Variants in DDX31 observed in about 807,000 individuals in gnomAD.
The protein encoded by DDX31 is DEAD-box helicase 31.
In DDX31, 70 loss-of-function variants were observed where a neutral mutation model predicts 91.3. The observed-to-expected ratio is 0.77, with a 90% confidence interval of 0.63 to 0.94. DDX31 has a LOEUF of 0.94. Ranked by LOEUF, DDX31 falls within the 40% of genes least tolerant of loss-of-function variation. The probability of loss-of-function intolerance (pLI) is 0.00; values close to 1 mark genes in which losing one functional copy is unlikely to be tolerated. For synonymous variants in DDX31, 362 were observed against 350.6 expected (o/e 1.03, Z -0.36); for missense variants, 902 against 925.0 (o/e 0.98, Z 0.32).
chr9:132,635,744 G>C (rs749694515), intron 14 of DDX31, among the ~76,000 whole-genome samples: 1 of 151,714 alleles, frequency 6.6e-6, no homozygotes, highest in Non-Finnish European at 1.5e-5. Context: ...TCAGGAGTTC[G>C]AGACCAGCTT....
At chr9:132,646,383 C>T (rs1464895735) in intron 12 of DDX31, among the ~76,000 whole-genome samples, 1 of 152,184 alleles carries the variant, frequency 6.6e-6, no homozygotes, top group African/African-American at 2.4e-5. Context: ...TGCAACACTA[C>T]CTGGCTGAGA....
rs11243871 is a variant in DDX31 at position 132,663,306 on chromosome 9, C to T, written c.76-611G>A. On this transcript the variant is annotated intron_variant, in intron 1 of 19. Coordinates refer to ENST00000372159, the MANE Select transcript of DDX31 (RefSeq NM_022779.9). ...TCAGACGGCCTGGAGAAAATTCCTA[C>T]GCCCTGTTCCCATTCCAAATGAGAA... 6.9e-4 allele frequency: 894 copies of T among 1,289,076 alleles called. 19 individuals are homozygous for T. The East Asian group carries it at 0.04, about 57-fold the overall frequency. 79.9% of individuals were successfully genotyped at this position (1,289,076 alleles called of 1,614,324 possible).
rs1002239440 is a variant in DDX31 at position 132,663,169 on chromosome 9, C to T, written c.76-474G>A. ...CTGGAGACCGCACAGGAGAGAGGGGCGAGGGGGAATGCGCATCTCAGCCCG... is the reference window on the plus strand; with the variant it reads ...CTGGAGACCGCACAGGAGAGAGGGGTGAGGGGGAATGCGCATCTCAGCCCG... On this transcript the variant is annotated intron_variant, in intron 1 of 19. Coordinates refer to ENST00000372159, the MANE Select transcript of DDX31 (RefSeq NM_022779.9). 17 of 1,285,746 alleles carry T rather than the reference C, an allele frequency of 1.3e-5. No homozygotes were observed. In the East Asian group the frequency reaches 2.2e-4, roughly 17 times the overall value. The allele number at this position is 1,285,746 out of a possible 1,614,324, so 79.6% of individuals were successfully genotyped here.
intron 16 of DDX31, among the ~76,000 whole-genome samples, chr9:132,626,881 CA>C (rs1832425083): frequency 6.6e-6 from 1 of 152,110 alleles, no homozygotes; most frequent in South Asian, 2.1e-4. Context: ...AGCCTTTTTA[CA>C]GCAGCAAAGA....
chr9:132,616,678 C>G (rs756523627), intron 18 of DDX31, among the ~76,000 whole-genome samples: 5 of 152,198 alleles, frequency 3.3e-5, no homozygotes, highest in Non-Finnish European at 7.3e-5. Context: ...GACCCTATTC[C>G]TCTTGAGAGA....
At position 132,634,984 on chromosome 9, in the gene DDX31, A is replaced by G. The variant is rs1416369127; in HGVS notation, c.1441-2893T>C. ...GGAACCACACCCCTGCCTTTGATTG[A>G]CTTACTTAGTTTTTCGATGTCTGTC... is the stretch of plus-strand genomic sequence containing the variant. On this transcript the variant is annotated intron_variant, in intron 14 of 19. Transcript: ENST00000372159. Among the ~76,000 whole-genome samples, 5 of 151,822 alleles carry G rather than the reference A, an allele frequency of 3.3e-5. No individual in the cohort carries two copies. The South Asian group carries it at 8.3e-4, about 25-fold the overall frequency.
In DDX31 at chr9:132,648,413, A is replaced by T; in HGVS notation, c.860+19T>A. ...CAGCCCTTCTCTTCTACCTGTTATC[A>T]TCCTGGGACGAGGCTCACCTGTCTG... On this transcript the variant is annotated intron_variant, in intron 10 of 19. Transcript: ENST00000372159. 2.5e-6 allele frequency: 4 copies of T among 1,611,966 alleles called. No individual in the cohort carries two copies. The highest frequency in any genetic ancestry group is 1.1e-5 in the South Asian group (1 of 90,512).
chr9:132,620,383 C>T (rs533072541), intron 17 of DDX31, among the ~76,000 whole-genome samples: 1 of 150,446 alleles, frequency 6.6e-6, no homozygotes, highest in Non-Finnish European at 1.5e-5. Context: ...TTATTCCCCC[C>T]TTTAGGTTTC....
intron 18 of DDX31, among the ~76,000 whole-genome samples, chr9:132,616,305 A>G (rs2119344333): frequency 6.6e-6 from 1 of 152,358 alleles, no homozygotes; most frequent in African/African-American, 2.4e-5. Context: ...AACATTGGGA[A>G]GTGACCCTGT....
intron 15 of DDX31, among the ~76,000 whole-genome samples, chr9:132,630,627 A>G (rs1832664341): frequency 6.6e-6 from 1 of 152,262 alleles, no homozygotes; most frequent in Non-Finnish European, 1.5e-5. Flanking sequence ...CAAGTTTCCG[A>G]TAAACGAGAC....
At chr9:132,619,107 C>T (rs192111979) in intron 17 of DDX31, among the ~76,000 whole-genome samples, 2 of 152,306 alleles carry the variant, frequency 1.3e-5, no homozygotes, top group East Asian at 3.9e-4. Context: ...GAAGTAGCAT[C>T]TGTGTGCATG....
At chr9:132,597,922 C>T (rs1470319952) in intron 19 of DDX31, among the ~76,000 whole-genome samples, 1 of 152,238 alleles carries the variant, frequency 6.6e-6, no homozygotes, top group African/African-American at 2.4e-5. Context: ...CGTTCGAAAG[C>T]ACCTTTTGGA....
intron 13 of DDX31, among the ~76,000 whole-genome samples, chr9:132,644,390 A>C (rs1199107593): frequency 1.3e-5 from 2 of 152,184 alleles, no homozygotes; most frequent in Admixed American, 6.5e-5. Context: ...AACTCAGCCA[A>C]CCTTAAAGGA....
At chr9:132,651,395 CAG>C (rs915407368) in intron 7 of DDX31, among the ~76,000 whole-genome samples, 3 of 152,136 alleles carry the variant, frequency 2.0e-5, no homozygotes, top group African/African-American at 7.2e-5. Context: ...GAGTGCCACA[CAG>C]AGAAGTTCAA....
intron 15 of DDX31, 94 bp downstream of exon 15, chr9:132,631,947 A>C: frequency 1.7e-6 from 2 of 1,146,232 alleles, no homozygotes; most frequent in Non-Finnish European, 2.5e-6. Context: ...AACACCCAAG[A>C]GGATAATAAT....
chr9:132,665,137 C>G (rs1835226030), intron 1 of DDX31, among the ~76,000 whole-genome samples: 1 of 152,228 alleles, frequency 6.6e-6, no homozygotes, highest in African/African-American at 2.4e-5. Flanking sequence ...AGGGGCCAGT[C>G]TGTCCTACAT....
At position 132,650,231 on chromosome 9, in the gene DDX31, T is replaced by C; in HGVS notation, c.740+3A>G. On this transcript the variant is annotated splice_donor_region_variant and intron_variant, in intron 9 of 19. Coordinates refer to ENST00000372159, the MANE Select transcript of DDX31 (RefSeq NM_022779.9). Reference sequence around the variant, plus strand: ...AAACAACAACCAACAAACCTCTTCCTACCTGGCCTTTTCTGATTTTCTCTT... The same window carrying C: ...AAACAACAACCAACAAACCTCTTCCCACCTGGCCTTTTCTGATTTTCTCTT... 1.9e-6 allele frequency: 3 copies of C among 1,613,984 alleles called. No individual in the cohort carries two copies. The highest frequency in any genetic ancestry group is 2.5e-6 in the Non-Finnish European group (3 of 1,179,840).
chr9:132,658,388 A>C, intron 6 of DDX31: 1 of 702,974 alleles, frequency 1.4e-6, no homozygotes, highest in East Asian at 2.7e-5. Flanking sequence ...AGAGCAGTTA[A>C]AGATTCAAGA....
chr9:132,658,508 A>G, intron 6 of DDX31, 163 bp downstream of exon 6: 1 of 687,946 alleles, frequency 1.5e-6, no homozygotes, highest in South Asian at 1.7e-5. Flanking sequence ...CTCTAGGCAC[A>G]GTCTCTAGAT....
Sources: gnomAD v4.1 joint callset for allele counts (sites outside exome capture counted in the v4.1 genomes callset) on GRCh38, gnomAD v4.1.1 for gene constraint, MANE v1.5 for transcripts, NCBI Gene and HGNC (gene_info 2026-07-23, HGNC 2026-07-21) for gene names.